TXNRD1: variants seen among roughly 807,000 people sequenced by gnomAD.
TXNRD1 encodes the protein thioredoxin reductase 1, cytoplasmic.
TXNRD1 carries 57 observed loss-of-function variants against 80.3 expected under a neutral mutation model. The ratio of observed to expected loss-of-function variants is 0.71; its 90% CI spans 0.57 to 0.89. TXNRD1 has a LOEUF of 0.89. Ranked by LOEUF, TXNRD1 falls within the 40% of genes least tolerant of loss-of-function variation. TXNRD1 has a pLI of 0.00. For synonymous variants in TXNRD1, 291 were observed against 285.2 expected, an observed-to-expected ratio of 1.02 and a Z score of -0.20; for missense variants, 730 against 803.0, an observed-to-expected ratio of 0.91 and a Z score of 1.10.
intron 4 of TXNRD1, among the ~76,000 whole-genome samples, chr12:104,291,964 G>A (rs774071962): frequency 6.6e-6 from 1 of 152,194 alleles, no homozygotes; most frequent in Non-Finnish European, 1.5e-5. Context: ...ATTTAGTGGA[G>A]AATTGAGTGC....
At chr12:104,308,293 C>A (rs1433539261) in intron 4 of TXNRD1, among the ~76,000 whole-genome samples, 1 of 152,170 alleles carries the variant, frequency 6.6e-6, no homozygotes, top group African/African-American at 2.4e-5. Flanking sequence ...CCACGCCTCG[C>A]TGCCCTTTTC....
chr12:104,335,161 C>G (rs181202260), intron 15 of TXNRD1, among the ~76,000 whole-genome samples: 1 of 151,132 alleles, frequency 6.6e-6, no homozygotes, highest in Admixed American at 6.6e-5. Flanking sequence ...CCCCAACTGT[C>G]CAGGTGAATA....
At chr12:104,287,703 C>G (rs1163940034) in intron 3 of TXNRD1, among the ~76,000 whole-genome samples, 1 of 152,094 alleles carries the variant, frequency 6.6e-6, no homozygotes, top group Non-Finnish European at 1.5e-5. Flanking sequence ...CGACGACGAC[C>G]CCAGGGCTTC....
intron 7 of TXNRD1, among the ~76,000 whole-genome samples, 183 bp from the exon 8 acceptor site, chr12:104,318,730 T>A (rs1239383906): frequency 6.6e-6 from 1 of 152,246 alleles, no homozygotes; most frequent in Admixed American, 6.5e-5. Context: ...TTTAATTGTA[T>A]TAGTCTTATA....
chr12:104,248,448 C>T (rs1376298491), intron 1 of TXNRD1, among the ~76,000 whole-genome samples: 1 of 152,128 alleles, frequency 6.6e-6, no homozygotes, highest in East Asian at 1.9e-4. Flanking sequence ...CAACACCCAG[C>T]TAATTTTCGT....
intron 4 of TXNRD1, among the ~76,000 whole-genome samples, chr12:104,302,643 C>T (rs1479702955): frequency 2.0e-5 from 3 of 152,092 alleles, no homozygotes; most frequent in African/African-American, 4.8e-5. Context: ...GCGCCTGCCA[C>T]CGCGCCCGGC....
At chr12:104,328,260 T>C (rs2035834855) in intron 13 of TXNRD1, among the ~76,000 whole-genome samples, 1 of 152,168 alleles carries the variant, frequency 6.6e-6, no homozygotes, top group South Asian at 2.1e-4. Context: ...AGCACTGTTG[T>C]TGAATAGTGT....
chr12:104,331,668 T>C, intron 14 of TXNRD1, 27 bp downstream of exon 14: 1 of 1,443,566 alleles, frequency 6.9e-7, no homozygotes, highest in Non-Finnish European at 9.6e-7. Flanking sequence ...TTTTCTCCTA[T>C]GTTATATCAC....
chr12:104,247,068 T>G (rs1375310114), intron 1 of TXNRD1, among the ~76,000 whole-genome samples: 3 of 152,068 alleles, frequency 2.0e-5, no homozygotes, highest in African/African-American at 7.2e-5. Flanking sequence ...TTTTGTTTGT[T>G]TGTTTGTTTG....
chr12:104,277,420 T>C (rs113777774), intron 3 of TXNRD1, among the ~76,000 whole-genome samples: 6,968 of 144,526 alleles, frequency 0.048, 198 homozygotes, highest in Middle Eastern at 0.12. Flanking sequence ...AAAAAATTAG[T>C]CAGGCACGGT....
At chr12:104,290,226 A>G (rs2034131709) in intron 4 of TXNRD1, among the ~76,000 whole-genome samples, 1 of 152,196 alleles carries the variant, frequency 6.6e-6, no homozygotes, top group Non-Finnish European at 1.5e-5. Flanking sequence ...TTTTCTTTTA[A>G]AAGTATTTTA....
intron 1 of TXNRD1, among the ~76,000 whole-genome samples, chr12:104,232,934 G>A (rs538446293): frequency 3.0e-4 from 45 of 152,176 alleles, no homozygotes; most frequent in African/African-American, 8.7e-4. Flanking sequence ...GAGCTGGACC[G>A]CACAATCTAG....
chr12:104,337,034 C>A (rs2135878727), intron 15 of TXNRD1, among the ~76,000 whole-genome samples: 1 of 152,036 alleles, frequency 6.6e-6, no homozygotes, highest in Admixed American at 6.6e-5. Flanking sequence ...ATGTTTGCCA[C>A]CTATTTATGA....
At chr12:104,254,640 A>ATATAT (rs1397898054) in intron 2 of TXNRD1, among the ~76,000 whole-genome samples, 2 of 106,268 alleles carry the variant, frequency 1.9e-5, no homozygotes, top group African/African-American at 1.0e-4. Context: ...GAAAAAAAAA[A>ATATAT]AAAAATATAT....
chr12:104,337,871 C>T (rs948851787), intron 15 of TXNRD1, among the ~76,000 whole-genome samples: 1 of 151,398 alleles, frequency 6.6e-6, no homozygotes, highest in Non-Finnish European at 1.5e-5. Flanking sequence ...ACTGCAGCCT[C>T]GACCTCCTGG....
Position 104,236,787 on chromosome 12 carries a change from C to CAA in TXNRD1, c.92-14720_92-14719dup, listed in dbSNP as rs35066909. Among the ~76,000 whole-genome samples, 204 of 112,866 alleles carry CAA rather than the reference C, an allele frequency of 1.8e-3. 2 individuals are homozygous for CAA. Among genetic ancestry groups the CAA allele is most frequent in the African/African-American group, 4.7e-3 (140 of 29,674 alleles). 74.0% of individuals were successfully genotyped at this position (112,866 alleles called of 152,430 possible). ...TGGGCAACAAGAGTGAAAACTGTCTCAAAAAAAAAAAAAAAAAAAAAGTGG... is the reference window on the plus strand; with the variant it reads ...TGGGCAACAAGAGTGAAAACTGTCTCAAAAAAAAAAAAAAAAAAAAAAAGTGG... On this transcript the variant is annotated intron_variant, in intron 1 of 16. Transcript: ENST00000525566.
chr12:104,332,927 A>G (rs573446947), intron 14 of TXNRD1, among the ~76,000 whole-genome samples: 3 of 131,194 alleles, frequency 2.3e-5, no homozygotes, highest in African/African-American at 1.0e-4. Context: ...TATTTTATGT[A>G]TATATATATG....
chr12:104,266,818 C>T (rs1242860618), intron 3 of TXNRD1, among the ~76,000 whole-genome samples: 3 of 151,942 alleles, frequency 2.0e-5, no homozygotes, highest in Non-Finnish European at 2.9e-5. Context: ...AAAAATTAGC[C>T]GGGCGTGTTG....
intron 3 of TXNRD1, among the ~76,000 whole-genome samples, chr12:104,266,806 CA>C (rs888871969): frequency 6.6e-6 from 1 of 151,864 alleles, no homozygotes; most frequent in African/African-American, 2.4e-5. Flanking sequence ...ACTAAAAACA[CA>C]AAAAATTAGC....
Sources: allele counts gnomAD v4.1 joint callset (sites outside exome capture counted in the v4.1 genomes callset), GRCh38; gene constraint gnomAD v4.1.1; transcripts MANE v1.5; gene names NCBI Gene and HGNC (gene_info 2026-07-23, HGNC 2026-07-21).